Variants in CCSER1 observed in about 807,000 individuals in gnomAD.
CCSER1 encodes coiled-coil serine rich protein 1.
Under a neutral mutation model 82.0 loss-of-function variants are expected in CCSER1, and 41 were observed. That is an observed-to-expected ratio of 0.50 (90% CI 0.39 to 0.65). The LOEUF (loss-of-function observed/expected upper bound fraction) is 0.65, where lower values mean the gene tolerates loss of function less well. Among genes scored for constraint, CCSER1 ranks in the 30% least tolerant of loss-of-function variants. CCSER1 has a pLI of 0.00. For missense variants in CCSER1, 1,119 were observed against 1,064.2 expected, an observed-to-expected ratio of 1.05 and a Z score of -0.72; for synonymous variants, 414 against 383.9, an observed-to-expected ratio of 1.08 and a Z score of -0.92.
rs180873874 is a variant in CCSER1, at chr4:91,543,921, G to A, written c.2218-54651G>A. Among the ~76,000 whole-genome samples the A allele has an allele frequency of 1.4e-3, 219 of 152,222 alleles. 1 individual carries two copies. The highest frequency in any genetic ancestry group is 4.9e-3 in the African/African-American group (204 of 41,542). On this transcript the variant is annotated intron_variant, in intron 10 of 10. Transcript: ENST00000509176. ...TTTCCAACTTGGTTCCATTCTTTCC[G>A]TCACTTTCAGGTATGCCAGTCAGAC...
At chr4:91,014,823 C>A (rs1739288057) in intron 9 of CCSER1, among the ~76,000 whole-genome samples, 1 of 152,016 alleles carries the variant, frequency 6.6e-6, no homozygotes, top group South Asian at 2.1e-4. Flanking sequence ...TTCTGTTCTG[C>A]AAAATTTGAG....
At chr4:90,566,215 T>A (rs1032615998) in intron 5 of CCSER1, among the ~76,000 whole-genome samples, 8 of 152,048 alleles carry the variant, frequency 5.3e-5, no homozygotes, top group Admixed American at 5.2e-4. Context: ...TCTTTAGGAT[T>A]TTTGCATCTC....
chr4:90,671,995 C>T (rs1732885751), intron 6 of CCSER1, among the ~76,000 whole-genome samples: 2 of 151,902 alleles, frequency 1.3e-5, no homozygotes, highest in Non-Finnish European at 2.9e-5. Flanking sequence ...GAGTAGGTCT[C>T]AACAGTGGGC....
At chr4:90,227,379 C>T (rs768598852) in intron 1 of CCSER1, among the ~76,000 whole-genome samples, 2 of 152,000 alleles carry the variant, frequency 1.3e-5, no homozygotes, top group Admixed American at 6.5e-5. Context: ...TGTTTTTTGC[C>T]GAATTGCAAA....
In CCSER1 at chr4:91,461,750, A is replaced by G. The variant is rs187111724; in HGVS notation, c.2218-136822A>G. Among the ~76,000 whole-genome samples the G allele has an allele frequency of 2.1e-4, 32 of 152,300 alleles. 1 individual carries two copies. The East Asian group carries it at 6.0e-3, about 28-fold the overall frequency. On this transcript the variant is annotated intron_variant, in intron 10 of 10. Transcript: ENST00000509176. ...GTTTGTTTATTCCTGGGTTCCCTAA[A>G]GCCTAGCACAGTAATGTTCAAAAGG...
chr4:91,244,710 T>C (rs1354321914), intron 10 of CCSER1, among the ~76,000 whole-genome samples: 1 of 152,120 alleles, frequency 6.6e-6, no homozygotes, highest in Non-Finnish European at 1.5e-5. Flanking sequence ...TATCTAACTC[T>C]TCAATGCCCA....
At chr4:90,796,800 A>G (rs1470523961) in intron 7 of CCSER1, among the ~76,000 whole-genome samples, 2 of 152,128 alleles carry the variant, frequency 1.3e-5, no homozygotes, top group Non-Finnish European at 2.9e-5. Context: ...GTTTTGAGTT[A>G]ATTTCTTAGT....
chr4:90,916,044 G>A (rs1239396960), intron 8 of CCSER1, among the ~76,000 whole-genome samples: 1 of 152,102 alleles, frequency 6.6e-6, no homozygotes, highest in African/African-American at 2.4e-5. Context: ...AACATTCCAT[G>A]CTCATGGATA....
chr4:90,327,669 C>T (rs1373670367), intron 3 of CCSER1, among the ~76,000 whole-genome samples: 1 of 151,998 alleles, frequency 6.6e-6, no homozygotes, highest in Non-Finnish European at 1.5e-5. Flanking sequence ...GAGATTTTGT[C>T]CTGGATAATT....
At chr4:90,555,494 G>A (rs1296010599) in intron 5 of CCSER1, among the ~76,000 whole-genome samples, 1 of 152,060 alleles carries the variant, frequency 6.6e-6, no homozygotes, top group Non-Finnish European at 1.5e-5. Flanking sequence ...TTTGCTATTT[G>A]TGATTAAATT....
intron 4 of CCSER1, among the ~76,000 whole-genome samples, chr4:90,424,882 A>G (rs1757314095): frequency 6.6e-6 from 1 of 152,214 alleles, no homozygotes; most frequent in African/African-American, 2.4e-5. Flanking sequence ...CTCTTTTGTG[A>G]ATAGCACCAA....
At chr4:91,150,271 C>A (rs559512455) in intron 10 of CCSER1, among the ~76,000 whole-genome samples, 2 of 152,258 alleles carry the variant, frequency 1.3e-5, no homozygotes, top group African/African-American at 4.8e-5. Flanking sequence ...TATGATTTGG[C>A]TCTCTGTTTG....
chr4:91,469,196 G>C (rs978942430), intron 10 of CCSER1, among the ~76,000 whole-genome samples: 1 of 151,870 alleles, frequency 6.6e-6, no homozygotes, highest in South Asian at 2.1e-4. Flanking sequence ...ATATCTTTAG[G>C]CAAGTTAAAC....
chr4:90,535,462 A>G (rs573506006), intron 5 of CCSER1, among the ~76,000 whole-genome samples: 3 of 152,322 alleles, frequency 2.0e-5, no homozygotes, highest in African/African-American at 4.8e-5. Flanking sequence ...ATCATTTTGT[A>G]TTACTTTAAT....
chr4:91,335,801 G>A (rs1049701751), intron 10 of CCSER1, among the ~76,000 whole-genome samples: 2 of 149,670 alleles, frequency 1.3e-5, no homozygotes, highest in African/African-American at 2.4e-5. Flanking sequence ...AAATCATGTT[G>A]ACTAGGATTT....
At chr4:90,138,469 A>G (rs572366645) in intron 1 of CCSER1, among the ~76,000 whole-genome samples, 3 of 152,314 alleles carry the variant, frequency 2.0e-5, no homozygotes, top group Admixed American at 1.3e-4. Context: ...TATTTCATAG[A>G]CTGAAAATTT....
At chr4:91,552,922 T>G (rs2110229253) in intron 10 of CCSER1, among the ~76,000 whole-genome samples, 1 of 151,732 alleles carries the variant, frequency 6.6e-6, no homozygotes, top group Non-Finnish European at 1.5e-5. Flanking sequence ...CAAATAGAAC[T>G]GGCAAGTGTG....
chr4:90,619,853 A>G (rs1721986440), intron 5 of CCSER1, among the ~76,000 whole-genome samples: 1 of 152,056 alleles, frequency 6.6e-6, no homozygotes, highest in South Asian at 2.1e-4. Flanking sequence ...GATTCTTTTC[A>G]TAAGTGAAAT....
chr4:90,140,657 C>CT (rs34194245), intron 1 of CCSER1, among the ~76,000 whole-genome samples: 15,933 of 63,664 alleles, frequency 0.25, 4,788 homozygotes, highest in Non-Finnish European at 0.36. Flanking sequence ...TTTTGGTCTA[C>CT]TTTTTTTTTT....
Sources: gnomAD v4.1 joint callset for allele counts (sites outside exome capture counted in the v4.1 genomes callset) on GRCh38, gnomAD v4.1.1 for gene constraint, MANE v1.5 for transcripts, NCBI Gene and HGNC (gene_info 2026-07-23, HGNC 2026-07-21) for gene names.